SAMD7: variants seen among roughly 807,000 people sequenced by gnomAD.
SAMD7 encodes sterile alpha motif domain containing 7.
SAMD7 carries 34 observed loss-of-function variants against 36.7 expected under a neutral mutation model. The observed-to-expected ratio is 0.93, with a 90% confidence interval of 0.71 to 1.23. SAMD7 has a LOEUF of 1.23. Ranked by LOEUF, SAMD7 falls within the 50% of genes most tolerant of loss-of-function variation. The pLI is 0.00. For missense variants in SAMD7, 570 were observed against 546.6 expected (o/e 1.04, Z -0.43); for synonymous variants, 188 against 189.7 (o/e 0.99, Z 0.07).
rs114749829 is a variant in SAMD7 at position 169,922,506 on chromosome 3, G to A, written c.211+1168G>A. On this transcript the variant is annotated intron_variant, in intron 4 of 8. Transcript: ENST00000335556. ...CACATTTATCACCTTTTTTGTTGTT[G>A]TTGTTTGTTTGAGATGGAGTTTCAC... 6.7e-3 allele frequency among the ~76,000 whole-genome samples: 1,013 copies of A among 152,132 alleles called. 12 individuals are homozygous for A. Among genetic ancestry groups the A allele is most frequent in the East Asian group, 0.025 (127 of 5,168 alleles).
rs187673683 is a variant in SAMD7, at chr3:169,926,997, G to T, written c.735G>T (p.Thr245=). ...QKSSETNEKP[T]TALANTCGEL... Reference sequence around the variant, plus strand: ...CAAGTGAAACGAATGAAAAGCCAACGACAGCTCTTGCCAACACCTGTGGAG... The same window carrying T: ...CAAGTGAAACGAATGAAAAGCCAACTACAGCTCTTGCCAACACCTGTGGAG... Residue 245 remains threonine (T), a synonymous_variant, in exon 6 of 9, where the codon ACG becomes ACT. Transcript: ENST00000335556. 6.2e-7 allele frequency: 1 copy of T among 1,613,878 alleles called. No individual in the cohort carries two copies. The highest frequency in any genetic ancestry group is 1.1e-5 in the South Asian group (1 of 91,064).
At chr3:169,925,018 A>T in intron 4 of SAMD7, 40 bp from the exon 5 acceptor site, 1 of 1,191,896 alleles carries the variant, frequency 8.4e-7, no homozygotes, top group South Asian at 1.4e-5. Context: ...GCATGTTTTT[A>T]ATTTATTTGT....
At chr3:169,925,368 T>TA (rs59937452) in intron 5 of SAMD7, among the ~76,000 whole-genome samples, 45,688 of 147,186 alleles carry the variant, frequency 0.31, 7,012 homozygotes, top group African/African-American at 0.37. Context: ...TGCTTTCACT[T>TA]AAAAAAAAAA....
At chr3:169,915,345 T>C (rs996853751) in intron 1 of SAMD7, 22 bp from the exon 2 acceptor site, 4 of 152,174 alleles carry the variant, frequency 2.6e-5, no homozygotes, top group Admixed American at 1.3e-4. Flanking sequence ...AATAAACTAC[T>C]GTACTTAATT....
intron 2 of SAMD7, among the ~76,000 whole-genome samples, chr3:169,916,305 G>A (rs1712796360): frequency 1.3e-5 from 2 of 152,152 alleles, no homozygotes; most frequent in Non-Finnish European, 2.9e-5. Context: ...AATGGATAAA[G>A]TTTCTTTTAT....
chr3:169,924,083 T>A (rs1020663293), intron 4 of SAMD7, among the ~76,000 whole-genome samples: 1 of 152,146 alleles, frequency 6.6e-6, no homozygotes, highest in Non-Finnish European at 1.5e-5. Context: ...GCATGCCAGC[T>A]GTCTAAAAGA....
At position 169,926,545 on chromosome 3, in the gene SAMD7, G is replaced by A. The variant is rs1271100198; in HGVS notation, c.291-8G>A. 1 of 1,599,188 alleles carries A rather than the reference G, an allele frequency of 6.3e-7. No individual in the cohort carries two copies. Among genetic ancestry groups the A allele is most frequent in the South Asian group, 1.1e-5 (1 of 90,010 alleles). On this transcript the variant is annotated splice_polypyrimidine_tract_variant and splice_region_variant and intron_variant, in intron 5 of 8. Coordinates refer to ENST00000335556, the MANE Select transcript of SAMD7 (RefSeq NM_001304366.2). ...TGGGCTGTATAAAATATATTGTTTT[G>A]TTTTTAGGACAGAAATGGAAATGTA... is the stretch of plus-strand genomic sequence containing the variant.
intron 4 of SAMD7, among the ~76,000 whole-genome samples, chr3:169,924,380 A>G (rs568459964): frequency 6.6e-6 from 1 of 152,110 alleles, no homozygotes; most frequent in South Asian, 2.1e-4. Flanking sequence ...CAAGGTCAGG[A>G]GATCGAGACC....
intron 4 of SAMD7, among the ~76,000 whole-genome samples, chr3:169,922,074 CTG>C (rs747378536): frequency 9.2e-5 from 14 of 152,240 alleles, no homozygotes; most frequent in Non-Finnish European, 1.8e-4. Context: ...TTGAGGAAGA[CTG>C]TGGAAGGAAC....
intron 4 of SAMD7, among the ~76,000 whole-genome samples, chr3:169,923,085 C>T (rs75725101): frequency 6.6e-6 from 1 of 152,256 alleles, no homozygotes; most frequent in South Asian, 2.1e-4. Flanking sequence ...TCTATCCCCC[C>T]CAAAACCATA....
intron 1 of SAMD7, among the ~76,000 whole-genome samples, chr3:169,912,573 T>C (rs558912392): frequency 6.6e-5 from 10 of 152,364 alleles, no homozygotes; most frequent in Admixed American, 2.6e-4. Context: ...ACTTCTTTAA[T>C]GATGTCAAAG....
chr3:169,913,040 G>A (rs993984446), intron 1 of SAMD7, among the ~76,000 whole-genome samples: 8 of 152,114 alleles, frequency 5.3e-5, no homozygotes, highest in African/African-American at 9.7e-5. Context: ...AAGAAAACTC[G>A]CAAGAAGCCA....
rs534599936 is a variant in SAMD7, at chr3:169,938,706, C to G, written c.*200C>G. 1.6e-3 allele frequency: 659 copies of G among 422,546 alleles called. 3 individuals carry two copies. Among genetic ancestry groups the G allele is most frequent in the Non-Finnish European group, 1.9e-3 (458 of 240,714 alleles). 26.2% of individuals were successfully genotyped at this position (422,546 alleles called of 1,614,324 possible). On this transcript the variant is annotated 3_prime_UTR_variant, in exon 9 of 9. Coordinates refer to ENST00000335556, the MANE Select transcript of SAMD7 (RefSeq NM_001304366.2). Reference sequence around the variant, plus strand: ...CCCCAGCACCAAATGACTGGAGACGCATCCTTAGGAGCAAATGCTAATGAA... The same window carrying G: ...CCCCAGCACCAAATGACTGGAGACGGATCCTTAGGAGCAAATGCTAATGAA...
chr3:169,916,577 G>A lies in SAMD7; in HGVS notation c.-42+1136G>A, dbSNP rs561056669. ...GCAGAAGAATTGCTTGAACCCGGGC[G>A]ACAGAGGTTGCAGTGAGACAGGATC... On this transcript the variant is annotated intron_variant, in intron 2 of 8. Transcript: ENST00000335556. Among the ~76,000 whole-genome samples the A allele has an allele frequency of 1.2e-3, 186 of 152,310 alleles. 1 individual carries two copies. The highest frequency in any genetic ancestry group is 1.8e-3 in the Non-Finnish European group (124 of 68,030).
rs144236512 is a variant in SAMD7 at position 169,932,820 on chromosome 3, G to A, written c.1042-3519G>A. 3.9e-4 allele frequency: 221 copies of A among 573,336 alleles called. 1 individual carries two copies. The highest frequency in any genetic ancestry group is 3.8e-3 in the African/African-American group (204 of 53,272). The allele number at this position is 573,336 out of a possible 1,614,324, so 35.5% of individuals were successfully genotyped here. A position where few individuals can be genotyped will look rare whatever the true frequency, so the allele number is the denominator to read the frequency against. The stretch of plus-strand genomic sequence containing the variant: ...TCCCTTTATGACTCTGGCCTGTGCC[G>A]CCTGGACACCATTAACACAGCTGTC... On this transcript the variant is annotated intron_variant, in intron 7 of 8. Coordinates refer to ENST00000335556, the MANE Select transcript of SAMD7 (RefSeq NM_001304366.2).
In SAMD7 at chr3:169,919,491, A is replaced by C. The variant is rs1426115794; in HGVS notation, c.-8A>C. ...TAGTGGCGAGAGATATTGAAGACAAACCCGGTGATGGCTGTGAACCCTTTA... is the reference window on the plus strand; with the variant it reads ...TAGTGGCGAGAGATATTGAAGACAACCCCGGTGATGGCTGTGAACCCTTTA... On this transcript the variant is annotated 5_prime_UTR_variant, in exon 3 of 9. Transcript: ENST00000335556. The C allele has an allele frequency of 5.6e-6, 9 of 1,613,238 alleles. No individual in the cohort carries two copies. Among genetic ancestry groups the C allele is most frequent in the Non-Finnish European group, 7.6e-6 (9 of 1,179,142 alleles).
In SAMD7 at chr3:169,919,459, A is replaced by G; in HGVS notation, c.-40A>G. ...AAGTGTCTATCTGGTTCTTTTTAGA[A>G]CTCCATTAGTGGCGAGAGATATTGA... is the stretch of plus-strand genomic sequence containing the variant. On this transcript the variant is annotated splice_region_variant and 5_prime_UTR_variant, in exon 3 of 9. Transcript: ENST00000335556. The G allele has an allele frequency of 6.8e-7, 1 of 1,476,254 alleles. No homozygotes were observed. The highest frequency in any genetic ancestry group is 9.5e-7 in the Non-Finnish European group (1 of 1,054,482). 91.4% of individuals were successfully genotyped at this position (1,476,254 alleles called of 1,614,324 possible).
intron 2 of SAMD7, among the ~76,000 whole-genome samples, chr3:169,916,590 G>A (rs1423511077): frequency 6.6e-6 from 1 of 152,228 alleles, no homozygotes; most frequent in African/African-American, 2.4e-5. Flanking sequence ...AGAGGTTGCA[G>A]TGAGACAGGA....
At position 169,927,158 on chromosome 3, in the gene SAMD7, C is replaced by T; in HGVS notation, c.896C>T (p.Pro299Leu). Reference protein sequence around the residue: ...TCDEKNGVCPPVPRPSLPGTH... With the variant: ...TCDEKNGVCPLVPRPSLPGTH... ...GATGAAAAGAATGGGGTTTGCCCTC[C>T]AGTTCCTCGACCATCTCTGCCAGGT... Residue 299 changes from proline (P) to leucine (L), a missense_variant, in exon 6 of 9, where the codon CCA becomes CTA. By Grantham distance (98) the Pro-to-Leu change is moderately conservative. Coordinates refer to ENST00000335556, the MANE Select transcript of SAMD7 (RefSeq NM_001304366.2). 2 of 1,536,452 alleles carry T rather than the reference C, an allele frequency of 1.3e-6. No individual in the cohort carries two copies. Among genetic ancestry groups the T allele is most frequent in the Non-Finnish European group, 1.7e-6 (2 of 1,147,240 alleles).
Sources: gnomAD v4.1 joint callset for allele counts (sites outside exome capture counted in the v4.1 genomes callset) on GRCh38, gnomAD v4.1.1 for gene constraint, MANE v1.5 for transcripts, NCBI Gene and HGNC (gene_info 2026-07-23, HGNC 2026-07-21) for gene names.